The following FSTL4 variants were observed in gnomAD, a reference collection of about 807,000 sequenced individuals.
The protein encoded by FSTL4 is follistatin like 4.
FSTL4 carries 28 observed loss-of-function variants against 78.2 expected under a neutral mutation model. The ratio of observed to expected loss-of-function variants is 0.36; its 90% CI spans 0.27 to 0.49. The LOEUF (loss-of-function observed/expected upper bound fraction) is 0.49, where lower values mean the gene tolerates loss of function less well. FSTL4 is among the 20% of genes least tolerant of loss of function. The pLI, the probability that FSTL4 is intolerant of heterozygous loss-of-function variation, is 0.98. For synonymous variants in FSTL4, 422 were observed against 440.5 expected (o/e 0.96, Z 0.53); for missense variants, 922 against 1,084.9 (o/e 0.85, Z 2.11).
chr5:133,467,522 C>G (rs541224675), intron 3 of FSTL4, among the ~76,000 whole-genome samples: 2 of 152,268 alleles, frequency 1.3e-5, no homozygotes, highest in Admixed American at 6.5e-5. Context: ...GCCCCTACTG[C>G]GACTGAAAGG....
chr5:133,731,889 A>G, the FSTL4 span, among the ~76,000 whole-genome samples: 1 of 152,160 alleles, frequency 6.6e-6, no homozygotes, highest in Non-Finnish European at 1.5e-5. Context: ...TAAAATTGGC[A>G]TTCCTTCCTC....
At chr5:133,812,640 C>T in the FSTL4 span, among the ~76,000 whole-genome samples, 1 of 152,220 alleles carries the variant, frequency 6.6e-6, no homozygotes, top group Non-Finnish European at 1.5e-5. Flanking sequence ...CCCACTCCAT[C>T]CCCCATCATT....
intron 3 of FSTL4, among the ~76,000 whole-genome samples, chr5:133,510,985 T>C (rs1228031264): frequency 6.6e-6 from 1 of 152,204 alleles, no homozygotes; most frequent in African/African-American, 2.4e-5. Flanking sequence ...TACAGTGATT[T>C]TGTAGCAACT....
the FSTL4 span, among the ~76,000 whole-genome samples, chr5:133,695,650 G>T: frequency 6.6e-6 from 1 of 152,148 alleles, no homozygotes; most frequent in Non-Finnish European, 1.5e-5. Context: ...TCCTGCTTCA[G>T]CCAAGCTCTT....
chr5:133,458,247 A>G (rs1757530451), intron 3 of FSTL4: 1 of 152,256 alleles, frequency 6.6e-6, no homozygotes, highest in Non-Finnish European at 1.5e-5. Flanking sequence ...TTTCAACATT[A>G]TCACCATCTG....
At chr5:133,298,313 C>T (rs528603858) in intron 6 of FSTL4, among the ~76,000 whole-genome samples, 1 of 152,358 alleles carries the variant, frequency 6.6e-6, no homozygotes, top group East Asian at 1.9e-4. Context: ...CTGCAATGCT[C>T]TGCTCCTTAG....
At chr5:133,319,261 C>T (rs1015074509) in intron 4 of FSTL4, among the ~76,000 whole-genome samples, 1 of 152,204 alleles carries the variant, frequency 6.6e-6, no homozygotes, top group African/African-American at 2.4e-5. Context: ...AAGGGGTGGG[C>T]CCTCCAGGTC....
chr5:133,279,413 A>G lies in FSTL4; in HGVS notation c.728-29837T>C, dbSNP rs974930591. Among the ~76,000 whole-genome samples the G allele has an allele frequency of 1.3e-4, 20 of 152,226 alleles. 1 individual carries two copies. Among genetic ancestry groups the G allele is most frequent in the Admixed American group, 1.2e-3 (19 of 15,290 alleles). ...ATCTCTGTTCTGCTCCCCCACTCCC[A>G]GTCTGTGGAAAAACGGTCTTCCAGG... On this transcript the variant is annotated intron_variant, in intron 6 of 15. Coordinates refer to ENST00000265342, the MANE Select transcript of FSTL4 (RefSeq NM_015082.2).
intron 7 of FSTL4, among the ~76,000 whole-genome samples, chr5:133,234,688 G>A (rs1751601981): frequency 1.3e-5 from 2 of 152,160 alleles, no homozygotes; most frequent in African/African-American, 2.4e-5. Flanking sequence ...TCATCTGTGG[G>A]GAGTGATGGG....
At chr5:133,258,951 A>C (rs1752448155) in intron 6 of FSTL4, among the ~76,000 whole-genome samples, 1 of 152,150 alleles carries the variant, frequency 6.6e-6, no homozygotes, top group South Asian at 2.1e-4. Context: ...CAATCCCCAG[A>C]ATACCTTCTG....
intron 3 of FSTL4, among the ~76,000 whole-genome samples, chr5:133,543,846 AT>A (rs1290820263): frequency 6.6e-6 from 1 of 150,950 alleles, no homozygotes; most frequent in Non-Finnish European, 1.5e-5. Context: ...TCTATTTTTC[AT>A]TTTCTCCCTT....
the FSTL4 span, among the ~76,000 whole-genome samples, chr5:133,841,002 G>A: frequency 2.0e-4 from 31 of 152,338 alleles, no homozygotes; most frequent in African/African-American, 6.7e-4. Flanking sequence ...CCCACAAGGC[G>A]GCAATGTCTA....
chr5:133,307,869 C>T (rs1445276580), intron 6 of FSTL4, among the ~76,000 whole-genome samples: 1 of 151,926 alleles, frequency 6.6e-6, no homozygotes, highest in East Asian at 1.9e-4. Flanking sequence ...CAAACTCTGC[C>T]TCCTGGGTTC....
At chr5:133,297,468 GGTAACC>G (rs1753425355) in intron 6 of FSTL4, among the ~76,000 whole-genome samples, 1 of 152,116 alleles carries the variant, frequency 6.6e-6, no homozygotes, top group Non-Finnish European at 1.5e-5. Context: ...TGGTCTACTG[GGTAACC>G]GCAGGCAATG....
At chr5:133,271,425 C>A (rs1231282265) in intron 6 of FSTL4, among the ~76,000 whole-genome samples, 1 of 152,148 alleles carries the variant, frequency 6.6e-6, no homozygotes, top group African/African-American at 2.4e-5. Flanking sequence ...GTTTTGGAAG[C>A]ACAGATTCTC....
chr5:133,421,612 G>A, intron 3 of FSTL4, among the ~76,000 whole-genome samples: 1 of 152,214 alleles, frequency 6.6e-6, no homozygotes, highest in East Asian at 1.9e-4. Context: ...CCAGGAGGGG[G>A]AGCCATTTCC....
chr5:133,331,008 C>T (rs974776561), intron 4 of FSTL4, among the ~76,000 whole-genome samples: 3 of 152,188 alleles, frequency 2.0e-5, no homozygotes, highest in Non-Finnish European at 4.4e-5. Flanking sequence ...GCAGGGGATT[C>T]AGGGTCATGC....
chr5:133,610,455 A>T (rs905450318), intron 1 of FSTL4, among the ~76,000 whole-genome samples: 5 of 152,196 alleles, frequency 3.3e-5, no homozygotes, highest in Non-Finnish European at 7.4e-5. Flanking sequence ...TTTTTTTCCT[A>T]GGATGGGAGG....
At chr5:133,756,644 G>A in the FSTL4 span, among the ~76,000 whole-genome samples, 1 of 152,130 alleles carries the variant, frequency 6.6e-6, no homozygotes, top group African/African-American at 2.4e-5. Context: ...GAGTGCACCT[G>A]GCCCTCCGGC....
Sources: gnomAD v4.1 joint callset for allele counts (sites outside exome capture counted in the v4.1 genomes callset) on GRCh38, gnomAD v4.1.1 for gene constraint, MANE v1.5 for transcripts, NCBI Gene and HGNC (gene_info 2026-07-23, HGNC 2026-07-21) for gene names.